Variants in SLC25A21 observed in about 807,000 individuals in gnomAD.
SLC25A21 encodes the protein mitochondrial 2-oxodicarboxylate carrier.
In SLC25A21, 47 loss-of-function variants were observed where a neutral mutation model predicts 43.8. The observed-to-expected ratio is 1.07, with a 90% CI of 0.85 to 1.37. The LOEUF is 1.37. Among genes scored for constraint, SLC25A21 ranks in the 40% most tolerant of loss-of-function variants. SLC25A21 has a pLI of 0.00. For synonymous variants in SLC25A21, 131 were observed against 121.3 expected (o/e 1.08, Z -0.52); for missense variants, 352 against 350.2 (o/e 1.00, Z -0.04).
rs534519078 is a variant in SLC25A21 at position 36,760,497 on chromosome 14, C to A, written c.204-25924G>T. Among the ~76,000 whole-genome samples the A allele has an allele frequency of 8.5e-5, 13 of 152,186 alleles. No individual in the cohort carries two copies. In the South Asian group the frequency reaches 2.5e-3, roughly 29 times the overall value. On this transcript the variant is annotated intron_variant, in intron 3 of 9. Transcript: ENST00000331299. ...TTGGTCCCTACTGACCAAGGCCTCT[C>A]AAATTGAGTGGGAGAGAAAAATTGA...
intron 7 of SLC25A21, among the ~76,000 whole-genome samples, chr14:36,698,239 G>T (rs1478170223): frequency 1.3e-5 from 2 of 152,040 alleles, no homozygotes; most frequent in Non-Finnish European, 2.9e-5. Context: ...TTGAATATTG[G>T]CTCCCACTCT....
chr14:36,779,609 C>CAT (rs35392668), intron 3 of SLC25A21, among the ~76,000 whole-genome samples: 5,021 of 122,146 alleles, frequency 0.041, 129 homozygotes, highest in East Asian at 0.056. Context: ...TATGTGTATA[C>CAT]ATATATATAT....
intron 2 of SLC25A21, among the ~76,000 whole-genome samples, chr14:36,859,496 G>C (rs1434912175): frequency 6.6e-6 from 1 of 152,190 alleles, no homozygotes; most frequent in Non-Finnish European, 1.5e-5. Context: ...TCTCTTCCTA[G>C]TCTAGGGCGG....
chr14:37,041,677 G>A (rs1961475707), intron 1 of SLC25A21, among the ~76,000 whole-genome samples: 1 of 152,114 alleles, frequency 6.6e-6, no homozygotes. Flanking sequence ...AATGTGTCTA[G>A]AGCAGAATCC....
At chr14:36,931,101 C>T (rs113608562) in intron 1 of SLC25A21, among the ~76,000 whole-genome samples, 2,642 of 152,174 alleles carry the variant, frequency 0.017, 68 homozygotes, top group African/African-American at 0.059. Flanking sequence ...GTTAATTTTC[C>T]TCCTCCCCCC....
intron 2 of SLC25A21, among the ~76,000 whole-genome samples, chr14:36,832,317 T>A (rs983668123): frequency 1.3e-5 from 2 of 152,162 alleles, no homozygotes; most frequent in Non-Finnish European, 2.9e-5. Flanking sequence ...TTTGAGATCT[T>A]CCCATATAAA....
chr14:36,956,791 G>A (rs900173596), intron 1 of SLC25A21, among the ~76,000 whole-genome samples: 4 of 152,088 alleles, frequency 2.6e-5, no homozygotes, highest in Non-Finnish European at 5.9e-5. Flanking sequence ...TGAAATGTTT[G>A]TGCTAAATGT....
intron 1 of SLC25A21, among the ~76,000 whole-genome samples, chr14:37,008,374 T>C (rs1363291110): frequency 6.6e-6 from 1 of 152,144 alleles, no homozygotes; most frequent in African/African-American, 2.4e-5. Flanking sequence ...ATGAAAAATG[T>C]ACAGGTTAAA....
Position 36,698,558 on chromosome 14 carries a change from C to T in SLC25A21, c.603+12760G>A, listed in dbSNP as rs149730871. ...ATCACTTTCAGGTACACCAATCAAA[C>T]GTAAATTTGGTCTTTTCACATAGTC... On this transcript the variant is annotated intron_variant, in intron 7 of 9. Transcript: ENST00000331299. 7.1e-4 allele frequency among the ~76,000 whole-genome samples: 108 copies of T among 152,302 alleles called. 2 individuals carry two copies. The East Asian group carries it at 0.016, about 23-fold the overall frequency.
intron 1 of SLC25A21, among the ~76,000 whole-genome samples, chr14:37,101,133 C>T (rs1962809683): frequency 6.6e-6 from 1 of 152,080 alleles, no homozygotes; most frequent in Admixed American, 6.6e-5. Context: ...AATGCCTAGG[C>T]CAAAGAGGTG....
intron 1 of SLC25A21, among the ~76,000 whole-genome samples, chr14:37,112,598 C>G (rs1344348162): frequency 2.0e-5 from 3 of 152,106 alleles, no homozygotes; most frequent in Non-Finnish European, 4.4e-5. Flanking sequence ...TAGGTGTGAC[C>G]ATATAACTAA....
intron 1 of SLC25A21, among the ~76,000 whole-genome samples, chr14:36,921,246 G>A (rs996703927): frequency 3.3e-5 from 5 of 152,076 alleles, no homozygotes; most frequent in Non-Finnish European, 7.4e-5. Context: ...GTCATATTCT[G>A]TACCATACTC....
chr14:36,787,599 A>C (rs1423857892), intron 3 of SLC25A21, among the ~76,000 whole-genome samples: 2 of 152,224 alleles, frequency 1.3e-5, no homozygotes, highest in African/African-American at 4.8e-5. Flanking sequence ...TATTAAACAC[A>C]ATTCATTTTA....
At chr14:37,113,978 T>C (rs1252880287) in intron 1 of SLC25A21, among the ~76,000 whole-genome samples, 1 of 152,202 alleles carries the variant, frequency 6.6e-6, no homozygotes, top group African/African-American at 2.4e-5. Flanking sequence ...AAAAAGTATT[T>C]ACAAATATTT....
At chr14:37,102,964 T>C (rs1962844648) in intron 1 of SLC25A21, among the ~76,000 whole-genome samples, 1 of 150,856 alleles carries the variant, frequency 6.6e-6, no homozygotes, top group Non-Finnish European at 1.5e-5. Flanking sequence ...CACTCCAGCC[T>C]AGGCAACAGA....
intron 1 of SLC25A21, among the ~76,000 whole-genome samples, chr14:36,887,474 A>C (rs560378539): frequency 5.9e-5 from 9 of 151,912 alleles, no homozygotes; most frequent in African/African-American, 2.2e-4. Context: ...GAAGCAGGAG[A>C]ATCGCTTAAA....
chr14:36,927,728 T>C (rs1892169704), intron 1 of SLC25A21, among the ~76,000 whole-genome samples: 1 of 152,140 alleles, frequency 6.6e-6, no homozygotes, highest in African/African-American at 2.4e-5. Context: ...TAGACTTATA[T>C]CCACAGGGCC....
At chr14:36,713,609 T>C (rs1837572113) in intron 6 of SLC25A21, among the ~76,000 whole-genome samples, 1 of 152,224 alleles carries the variant, frequency 6.6e-6, no homozygotes, top group South Asian at 2.1e-4. Flanking sequence ...CACTTGCTAC[T>C]TTGGCAAGTA....
At chr14:36,880,917 G>A (rs1488338545) in intron 1 of SLC25A21, among the ~76,000 whole-genome samples, 1 of 152,190 alleles carries the variant, frequency 6.6e-6, no homozygotes, top group Non-Finnish European at 1.5e-5. Flanking sequence ...AGGTGCTGGA[G>A]AACACAGCCT....
Sources: gnomAD v4.1 joint callset for allele counts (sites outside exome capture counted in the v4.1 genomes callset) on GRCh38, gnomAD v4.1.1 for gene constraint, MANE v1.5 for transcripts, NCBI Gene and HGNC (gene_info 2026-07-23, HGNC 2026-07-21) for gene names.